The following RYR2 variants were observed in gnomAD, a reference collection of about 807,000 sequenced individuals.
The protein encoded by RYR2 is ryanodine receptor 2.
A neutral mutation model predicts 601.1 loss-of-function variants in RYR2; 227 were observed. The ratio of observed to expected loss-of-function variants is 0.38; its 90% CI spans 0.34 to 0.42. The LOEUF (loss-of-function observed/expected upper bound fraction) is 0.42, where lower values mean the gene tolerates loss of function less well. Among genes scored for constraint, RYR2 ranks in the 10% least tolerant of loss-of-function variants. The pLI, the probability that RYR2 is intolerant of heterozygous loss-of-function variation, is 1.00. For synonymous variants in RYR2, 2,223 were observed against 2,175.1 expected (o/e 1.02, Z -0.61); for missense variants, 4,646 against 6,156.5 (o/e 0.75, Z 8.21).
intron 37 of RYR2, among the ~76,000 whole-genome samples, chr1:237,615,848 G>GAGGGAGA (rs1678405776): frequency 6.6e-6 from 1 of 152,182 alleles, no homozygotes; most frequent in Non-Finnish European, 1.5e-5. Context: ...TTAGAAAGAT[G>GAGGGAGA]AGGGAGAAGA....
chr1:237,822,780 G>C (rs949216714), intron 101 of RYR2, among the ~76,000 whole-genome samples: 1 of 152,128 alleles, frequency 6.6e-6, no homozygotes, highest in East Asian at 1.9e-4. Context: ...GTATGCAGGA[G>C]ACCCATCTCA....
Position 237,798,134 on chromosome 1 carries a change from A to G in RYR2, c.14054A>G (p.Lys4685Arg). The G allele has an allele frequency of 6.2e-7, 1 of 1,612,454 alleles. No homozygotes were observed. The highest frequency in any genetic ancestry group is 8.5e-7 in the Non-Finnish European group (1 of 1,179,220). ...AALDFSDARE[K>R]KKPKKDSSLS... Reference sequence around the variant, plus strand: ...CTGGACTTCAGTGATGCCAGAGAAAAGAAGAAGCCAAAGAAAGACAGCTCC... The same window carrying G: ...CTGGACTTCAGTGATGCCAGAGAAAGGAAGAAGCCAAAGAAAGACAGCTCC... Residue 4685 changes from lysine (K) to arginine (R), a missense_variant, in exon 97 of 105, where the codon AAG becomes AGG. Physicochemically the swap from Lys to Arg is conservative, Grantham distance 26. Transcript: ENST00000366574.
chr1:237,675,554 T>G (rs565203378), intron 60 of RYR2, among the ~76,000 whole-genome samples: 2 of 152,204 alleles, frequency 1.3e-5, no homozygotes, highest in South Asian at 4.1e-4. Context: ...TGTTCCCTTT[T>G]GAAAATAGTG....
intron 36 of RYR2, among the ~76,000 whole-genome samples, chr1:237,611,726 C>T (rs528026246): frequency 2.7e-4 from 41 of 152,126 alleles, no homozygotes; most frequent in Non-Finnish European, 4.1e-4. Flanking sequence ...AAGTAATGCA[C>T]AAACATATTT....
chr1:237,565,141 T>TTC (rs1357744639), intron 27 of RYR2, among the ~76,000 whole-genome samples: 29 of 47,560 alleles, frequency 6.1e-4, no homozygotes, highest in African/African-American at 1.3e-3. Flanking sequence ...CTTTCTTTCT[T>TTC]TTTCTTTCTT....
intron 1 of RYR2, among the ~76,000 whole-genome samples, chr1:237,102,098 G>T (rs1668163688): frequency 6.6e-6 from 1 of 152,186 alleles, no homozygotes; most frequent in East Asian, 1.9e-4. Flanking sequence ...CAAAGACATT[G>T]CTGTGGACTT....
chr1:237,071,872 G>C (rs1664381188), intron 1 of RYR2, among the ~76,000 whole-genome samples: 1 of 152,232 alleles, frequency 6.6e-6, no homozygotes, highest in Middle Eastern at 3.2e-3. Flanking sequence ...AGTTTCAGAG[G>C]GGGATGAGGC....
intron 35 of RYR2, among the ~76,000 whole-genome samples, chr1:237,606,340 G>A (rs1238632084): frequency 1.3e-5 from 2 of 152,110 alleles, no homozygotes; most frequent in Non-Finnish European, 2.9e-5. Flanking sequence ...TTTAATAAAT[G>A]GTGCTGGGAA....
At chr1:237,805,298 G>A (rs1660488948) in intron 98 of RYR2, among the ~76,000 whole-genome samples, 1 of 151,996 alleles carries the variant, frequency 6.6e-6, no homozygotes, top group Admixed American at 6.6e-5. Flanking sequence ...AATGTATAGT[G>A]AGCCAGGCGC....
intron 10 of RYR2, among the ~76,000 whole-genome samples, chr1:237,411,289 TA>T (rs1165530827): frequency 2.6e-5 from 4 of 152,080 alleles, no homozygotes; most frequent in Non-Finnish European, 5.9e-5. Context: ...ATTATTTTTT[TA>T]AAAAAAGAAT....
In RYR2 at chr1:237,819,846, C is replaced by T. The variant is rs116104828; in HGVS notation, c.14590+654C>T. Among the ~76,000 whole-genome samples, 5 of 151,840 alleles carry T rather than the reference C, an allele frequency of 3.3e-5. No individual in the cohort carries two copies. Among genetic ancestry groups the T allele is most frequent in the Admixed American group, 2.6e-4 (4 of 15,232 alleles). ...AACACACACTCAAACCCAACAACAA[C>T]AACAACAACAAAAACTTCTAAGCCC... On this transcript the variant is annotated intron_variant, in intron 101 of 104. Coordinates refer to ENST00000366574, the MANE Select transcript of RYR2 (RefSeq NM_001035.3). This position sits in a 1 kb window ranked among gnomAD's most constrained non-coding sequence, Gnocchi z 4.0.
chr1:237,642,490 C>G (rs188699578), intron 47 of RYR2, among the ~76,000 whole-genome samples: 1 of 151,952 alleles, frequency 6.6e-6, no homozygotes, highest in African/African-American at 2.4e-5. Flanking sequence ...AAAACATCAG[C>G]GAAACAAAGA....
intron 40 of RYR2, among the ~76,000 whole-genome samples, chr1:237,626,748 AT>A (rs1306718916): frequency 1.3e-5 from 2 of 150,960 alleles, no homozygotes; most frequent in Admixed American, 6.6e-5. Context: ...TAGTTTTTAT[AT>A]TTTTAGTAGA....
chr1:237,667,766 G>C, intron 57 of RYR2, 117 bp from the exon 58 acceptor site: 1 of 693,444 alleles, frequency 1.4e-6, no homozygotes, highest in Non-Finnish European at 2.4e-6. Context: ...TCTTTTAAAT[G>C]TATCATAGCA....
chr1:237,536,874 A>G (rs186212646), intron 25 of RYR2, among the ~76,000 whole-genome samples: 1,913 of 152,076 alleles, frequency 0.013, 23 homozygotes, highest in Non-Finnish European at 0.014. Context: ...CGACAGAGCG[A>G]GACTCCATCT....
rs539677456 is a variant in RYR2 at position 237,306,643 on chromosome 1, C to T, written c.169-24235C>T. Among the ~76,000 whole-genome samples, 7 of 152,054 alleles carry T rather than the reference C, an allele frequency of 4.6e-5. No homozygotes were observed. In the South Asian group the frequency reaches 1.2e-3, roughly 27 times the overall value. On this transcript the variant is annotated intron_variant, in intron 2 of 104. Transcript: ENST00000366574. Reference sequence around the variant, plus strand: ...TCCTGATATCAGCTTTGACTTTTTTCGTGTGGGTTTTAGTTTTCATGATTT... The same window carrying T: ...TCCTGATATCAGCTTTGACTTTTTTTGTGTGGGTTTTAGTTTTCATGATTT...
At chr1:237,527,752 A>G (rs1667736750) in intron 24 of RYR2, among the ~76,000 whole-genome samples, 1 of 152,108 alleles carries the variant, frequency 6.6e-6, no homozygotes, top group African/African-American at 2.4e-5. Flanking sequence ...TGGTTTTATT[A>G]TAATTCTTCA....
rs113047070 is a variant in RYR2 at position 237,833,213 on chromosome 1, GT to G, written c.*578del. 8.6e-3 allele frequency: 1,201 copies of G among 139,684 alleles called. 16 individuals carry two copies. Among genetic ancestry groups the G allele is most frequent in the Middle Eastern group, 0.026 (7 of 268 alleles). 8.7% of individuals were successfully genotyped at this position (139,684 alleles called of 1,614,324 possible). On this transcript the variant is annotated 3_prime_UTR_variant, in exon 105 of 105. Transcript: ENST00000366574. ...TCTTTTCTTAGATTGATTTTGTGAG[GT>G]TTTTTTTTTTTCCTTTAGTCTTTTC...
intron 41 of RYR2, among the ~76,000 whole-genome samples, chr1:237,631,135 T>G (rs902102128): frequency 6.6e-6 from 1 of 152,206 alleles, no homozygotes; most frequent in African/African-American, 2.4e-5. Context: ...CATGGTTGGA[T>G]ATCCATAAAA....
Sources: gnomAD v4.1 joint callset for allele counts (sites outside exome capture counted in the v4.1 genomes callset) on GRCh38, gnomAD v4.1.1 for gene constraint, Gnocchi (gnomAD v3.1) non-coding constraint, MANE v1.5 for transcripts, NCBI Gene and HGNC (gene_info 2026-07-23, HGNC 2026-07-21) for gene names.